USP4: variants seen among roughly 807,000 people sequenced by gnomAD.
USP4 encodes the protein ubiquitin specific peptidase 4.
USP4 carries 72 observed loss-of-function variants against 118.2 expected under a neutral mutation model. The observed-to-expected ratio is 0.61, with a 90% CI of 0.50 to 0.74. The LOEUF (loss-of-function observed/expected upper bound fraction) is 0.74, where lower values mean the gene tolerates loss of function less well. Ranked by LOEUF, USP4 falls within the 30% of genes least tolerant of loss-of-function variation. The pLI, the probability that USP4 is intolerant of heterozygous loss-of-function variation, is 0.00. For missense variants in USP4, 1,037 were observed against 1,185.7 expected, an observed-to-expected ratio of 0.87 and a Z score of 1.84; for synonymous variants, 415 against 440.4, an observed-to-expected ratio of 0.94 and a Z score of 0.72.
At chr3:49,318,419 TA>T (rs895032276) in intron 6 of USP4, 1 of 985,472 alleles carries the variant, frequency 1.0e-6, no homozygotes, top group South Asian at 4.7e-5. Context: ...CTGGCAACCT[TA>T]AAGGGCCTTA....
At chr3:49,339,624 G>A (rs562551305) in intron 1 of USP4, among the ~76,000 whole-genome samples, 65 of 152,260 alleles carry the variant, frequency 4.3e-4, no homozygotes, top group African/African-American at 1.6e-3. Flanking sequence ...AGTCCTCATG[G>A]TAAAGGGCTC....
rs1339277717 is a variant in USP4 at position 49,277,320 on chromosome 3, G to T, written c.*973C>A. The T allele has an allele frequency of 3.7e-6, 4 of 1,081,732 alleles. No individual in the cohort carries two copies. Among genetic ancestry groups the T allele is most frequent in the Admixed American group, 5.4e-5 (2 of 36,868 alleles). 67.0% of individuals were successfully genotyped at this position (1,081,732 alleles called of 1,614,324 possible). On this transcript the variant is annotated 3_prime_UTR_variant, in exon 22 of 22. Transcript: ENST00000265560. The stretch of plus-strand genomic sequence containing the variant: ...CATACGTCCGGTTCCTTAAGGCCTT[G>T]CCCACACGCAGCGGCTGGCCCCGCG...
At chr3:49,322,384 CA>C (rs1411476342) in intron 6 of USP4, among the ~76,000 whole-genome samples, 1 of 152,178 alleles carries the variant, frequency 6.6e-6, no homozygotes, top group Non-Finnish European at 1.5e-5. Context: ...CTATGACAAG[CA>C]GTGCTAGCAC....
At chr3:49,310,232 C>T (rs945061513) in intron 8 of USP4, among the ~76,000 whole-genome samples, 1 of 152,094 alleles carries the variant, frequency 6.6e-6, no homozygotes, top group Non-Finnish European at 1.5e-5. Flanking sequence ...GCTGGGACAG[C>T]TATTTTTAGT....
chr3:49,312,423 C>G (rs1424763345), intron 6 of USP4: 2 of 449,384 alleles, frequency 4.5e-6, no homozygotes, highest in Non-Finnish European at 9.0e-6. Flanking sequence ...CGGGAGTAAG[C>G]CGAGACTGCA....
At position 49,278,276 on chromosome 3, in the gene USP4, G is replaced by A. The variant is rs769186789; in HGVS notation, c.*17C>T. The A allele has an allele frequency of 1.9e-6, 3 of 1,611,012 alleles. No homozygotes were observed. Among genetic ancestry groups the A allele is most frequent in the Middle Eastern group, 1.9e-4 (1 of 5,240 alleles). ...ATTACACTGGCGCTACAGGGTGGCA[G>A]GATCGTGGAGTCAGCATTAGTTGGT... On this transcript the variant is annotated 3_prime_UTR_variant, in exon 22 of 22. Transcript: ENST00000265560.
intron 15 of USP4, among the ~76,000 whole-genome samples, chr3:49,287,752 G>A (rs1299417079): frequency 1.3e-5 from 2 of 151,998 alleles, no homozygotes; most frequent in Middle Eastern, 3.4e-3. Flanking sequence ...GATTACAGGC[G>A]TCAGCCACCA....
intron 6 of USP4, chr3:49,317,268 G>C: frequency 6.5e-7 from 1 of 1,536,036 alleles, no homozygotes; most frequent in Non-Finnish European, 9.0e-7. Flanking sequence ...CCAGGTTCTC[G>C]TTGACGCGGG....
At chr3:49,307,475 A>AT (rs1264503956) in intron 8 of USP4, among the ~76,000 whole-genome samples, 2 of 151,746 alleles carry the variant, frequency 1.3e-5, no homozygotes, top group African/African-American at 4.8e-5. Context: ...ATTTTTAGAG[A>AT]TAGGGTCTTG....
chr3:49,283,008 CTTTTTTT>C (rs71077783), intron 19 of USP4, among the ~76,000 whole-genome samples: 14 of 78,284 alleles, frequency 1.8e-4, no homozygotes, highest in East Asian at 3.7e-4. Context: ...GTGCCGGCCT[CTTTTTTT>C]TTTTTTTTTT....
At chr3:49,280,638 T>C (rs2047012696) in intron 20 of USP4, 106 bp downstream of exon 20, 2 of 805,754 alleles carry the variant, frequency 2.5e-6, no homozygotes, top group African/African-American at 3.5e-5. Context: ...ATGAAGCCTG[T>C]GAAACTGCAT....
chr3:49,332,042 G>A (rs943479613), intron 2 of USP4, among the ~76,000 whole-genome samples: 7 of 152,018 alleles, frequency 4.6e-5, no homozygotes, highest in Non-Finnish European at 7.4e-5. Context: ...GGAGGTCAAG[G>A]CGGGTGGACC....
chr3:49,296,147 C>T (rs1413146489), intron 13 of USP4, among the ~76,000 whole-genome samples: 1 of 150,920 alleles, frequency 6.6e-6, no homozygotes, highest in African/African-American at 2.4e-5. Context: ...CTAACTAACA[C>T]AGTGAAACCC....
intron 6 of USP4, among the ~76,000 whole-genome samples, chr3:49,319,903 T>C (rs2047481746): frequency 6.6e-6 from 1 of 151,834 alleles, no homozygotes; most frequent in Admixed American, 6.6e-5. Flanking sequence ...CATGAGCCAC[T>C]GTGCCCAGCC....
Position 49,294,704 on chromosome 3 carries a change from G to A in USP4, c.1692-106C>T, listed in dbSNP as rs1310414970. 14 of 1,082,068 alleles carry A rather than the reference G, an allele frequency of 1.3e-5. 1 individual carries two copies. The highest frequency in any genetic ancestry group is 1.9e-5 in the Non-Finnish European group (14 of 749,980). The allele number at this position is 1,082,068 out of a possible 1,614,324, so 67.0% of individuals were successfully genotyped here. On this transcript the variant is annotated intron_variant, in intron 13 of 21. Transcript: ENST00000265560. ...CCAGGGCTATGATTACTGGGACAGA[G>A]CATATTTGAGTAGAAAAGGTGGCTA...
rs1428509733 is a variant in USP4 at position 49,277,201 on chromosome 3, G to A, written c.*1092C>T. ...TTGTCCTCACCCGCAGCGCAGTGAC[G>A]CCGACCCATCCAACGGTCATCGCAT... is the stretch of plus-strand genomic sequence containing the variant. On this transcript the variant is annotated 3_prime_UTR_variant, in exon 22 of 22. Transcript: ENST00000265560. 2.2e-6 allele frequency: 3 copies of A among 1,348,260 alleles called. No homozygotes were observed. The highest frequency in any genetic ancestry group is 1.5e-5 in the African/African-American group (1 of 68,178). The allele number at this position is 1,348,260 out of a possible 1,614,324, so 83.5% of individuals were successfully genotyped here.
At chr3:49,280,665 G>A in intron 20 of USP4, 79 bp downstream of exon 20, 3 of 1,168,964 alleles carry the variant, frequency 2.6e-6, no homozygotes, top group Non-Finnish European at 3.8e-6. Flanking sequence ...AGCATTTAGG[G>A]CAATGCCTGG....
rs2046981008 is a variant in USP4 at position 49,278,088 on chromosome 3, A to AAAAAT, written c.*200_*204dup. 4 of 599,454 alleles carry AAAAAT rather than the reference A, an allele frequency of 6.7e-6. No homozygotes were observed. The Admixed American group carries it at 1.1e-4, about 17-fold the overall frequency. The allele number at this position is 599,454 out of a possible 1,614,324, so 37.1% of individuals were successfully genotyped here. On this transcript the variant is annotated 3_prime_UTR_variant, in exon 22 of 22. Transcript: ENST00000265560. Reference sequence around the variant, plus strand: ...CACAGAAATTTCTCACCACCTGTTTAAAAATAAAAATAATTCAGCCTCTTG... The same window carrying AAAAAT: ...CACAGAAATTTCTCACCACCTGTTTAAAAATAAAATAAAAATAATTCAGCCTCTTG...
chr3:49,309,924 C>G (rs11130189), intron 8 of USP4, among the ~76,000 whole-genome samples: 4 of 126,078 alleles, frequency 3.2e-5, no homozygotes, highest in African/African-American at 6.1e-5. Flanking sequence ...ACAGTGCTGC[C>G]CCCGGACTTT....
Sources: gnomAD v4.1 joint callset for allele counts (sites outside exome capture counted in the v4.1 genomes callset) on GRCh38, gnomAD v4.1.1 for gene constraint, MANE v1.5 for transcripts, NCBI Gene and HGNC (gene_info 2026-07-23, HGNC 2026-07-21) for gene names.